AOX1: variants seen among roughly 807,000 people sequenced by gnomAD.
AOX1 encodes the protein aldehyde oxidase.
In AOX1, 153 loss-of-function variants were observed where a neutral mutation model predicts 169.5. The ratio of observed to expected loss-of-function variants is 0.90; its 90% CI spans 0.79 to 1.03. AOX1 has a LOEUF of 1.03. Among genes scored for constraint, AOX1 ranks in the 50% least tolerant of loss-of-function variants. AOX1 has a pLI of 0.00. For synonymous variants in AOX1, 562 were observed against 581.9 expected (o/e 0.97, Z 0.49); for missense variants, 1,656 against 1,663.9 (o/e 1.00, Z 0.08).
intron 26 of AOX1, among the ~76,000 whole-genome samples, chr2:200,654,642 G>A (rs553576241): frequency 2.0e-5 from 3 of 152,064 alleles, no homozygotes; most frequent in Non-Finnish European, 4.4e-5. Flanking sequence ...GCACAGAGTA[G>A]GAACTCAAAT....
chr2:200,681,926 GTT>G, downstream of AOX1, among the ~76,000 whole-genome samples: 1 of 146,046 alleles, frequency 6.8e-6, no homozygotes, highest in African/African-American at 2.5e-5. Flanking sequence ...ACCTTTTGGG[GTT>G]TTTTTTTTTA....
downstream of AOX1, among the ~76,000 whole-genome samples, chr2:200,676,400 G>T (rs1559266814): frequency 2.0e-5 from 3 of 152,072 alleles, no homozygotes; most frequent in South Asian, 6.2e-4. Flanking sequence ...AGGAGTTTGA[G>T]ACCATCCTGG....
intron 1 of AOX1, among the ~76,000 whole-genome samples, chr2:200,589,446 G>A (rs1306085449): frequency 1.3e-5 from 2 of 152,310 alleles, no homozygotes; most frequent in African/African-American, 4.8e-5. Flanking sequence ...AACTAGTCAG[G>A]GATGGGTTTG....
chr2:200,634,937 G>A (rs891845713), intron 21 of AOX1, 22 bp downstream of exon 21: 4 of 1,613,014 alleles, frequency 2.5e-6, no homozygotes, highest in Admixed American at 1.7e-5. Context: ...CCATTGTGGA[G>A]AGGACATGGC....
Position 200,668,650 on chromosome 2 carries a change from T to C in AOX1, c.3645T>C (p.Tyr1215=). The C allele has an allele frequency of 6.2e-7, 1 of 1,613,866 alleles. No individual in the cohort carries two copies. Among genetic ancestry groups the C allele is most frequent in the South Asian group, 1.1e-5 (1 of 90,966 alleles). The change falls in exon 33 of 35, where the codon TAT becomes TAC. Residue 1215 remains tyrosine, a synonymous_variant. Transcript: ENST00000374700. ...EGAFIQGMGL[Y]TIEELNYSPQ... is the part of the protein sequence containing the mutation. ...CATTTATTCAAGGCATGGGACTTTA[T>C]ACAATAGAGGAACTGAATTATTCTC...
chr2:200,662,540 T>C (rs963648114), intron 30 of AOX1, among the ~76,000 whole-genome samples: 1 of 152,064 alleles, frequency 6.6e-6, no homozygotes, highest in Non-Finnish European at 1.5e-5. Flanking sequence ...GAAGGTTGAG[T>C]TCCCCAAATC....
chr2:200,596,753 G>A (rs1046463968), intron 3 of AOX1, among the ~76,000 whole-genome samples: 3 of 152,052 alleles, frequency 2.0e-5, no homozygotes, highest in Non-Finnish European at 2.9e-5. Flanking sequence ...TTGTCACATC[G>A]GAGTTTAGTT....
chr2:200,599,138 G>A (rs757929055), intron 4 of AOX1, among the ~76,000 whole-genome samples: 2 of 152,156 alleles, frequency 1.3e-5, no homozygotes, highest in African/African-American at 4.8e-5. Context: ...GGAGGGAAAC[G>A]TATAAAAGAA....
Position 200,659,146 on chromosome 2 carries a change from ACTCT to A in AOX1, c.3172-14_3172-11del, listed in dbSNP as rs113893586. On this transcript the variant is annotated splice_polypyrimidine_tract_variant and intron_variant, in intron 27 of 34. Coordinates refer to ENST00000374700, the MANE Select transcript of AOX1 (RefSeq NM_001159.4). ...GACTAATCAAAGTGTTTAAAAGGAAACTCTCTCTTAAAATTCAGGTGGTCAGCCG... is the reference window on the plus strand; with the variant it reads ...GACTAATCAAAGTGTTTAAAAGGAAACTCTTAAAATTCAGGTGGTCAGCCG... The A allele has an allele frequency of 3.7e-6, 6 of 1,611,782 alleles. No individual in the cohort carries two copies. The highest frequency in any genetic ancestry group is 5.1e-6 in the Non-Finnish European group (6 of 1,178,892).
intron 20 of AOX1, among the ~76,000 whole-genome samples, chr2:200,629,105 C>T (rs1045858847): frequency 1.3e-5 from 2 of 152,152 alleles, no homozygotes; most frequent in African/African-American, 4.8e-5. Context: ...CCCATCATGT[C>T]TCAACTCTAT....
intron 1 of AOX1, among the ~76,000 whole-genome samples, chr2:200,588,531 G>C (rs1257329368): frequency 6.6e-6 from 1 of 151,972 alleles, no homozygotes; most frequent in Non-Finnish European, 1.5e-5. Context: ...GACTCACTTT[G>C]TCTATGGGCC....
chr2:200,633,116 A>G (rs1400079132), intron 20 of AOX1, among the ~76,000 whole-genome samples: 3 of 151,968 alleles, frequency 2.0e-5, no homozygotes, highest in Non-Finnish European at 4.4e-5. Flanking sequence ...CTTTTCTCCT[A>G]TAGATGAAGT....
At chr2:200,617,048 C>T (rs1030571001) in intron 16 of AOX1, among the ~76,000 whole-genome samples, 4 of 151,992 alleles carry the variant, frequency 2.6e-5, no homozygotes, top group African/African-American at 7.2e-5. Flanking sequence ...TTATAAATAC[C>T]CTAATATTTC....
chr2:200,628,673 A>G (rs2035052452), intron 20 of AOX1, among the ~76,000 whole-genome samples: 1 of 152,182 alleles, frequency 6.6e-6, no homozygotes, highest in Non-Finnish European at 1.5e-5. Context: ...TCATGCCTAT[A>G]ATCCCAGCAC....
In AOX1 at chr2:200,661,638, A is replaced by C; in HGVS notation, c.3428+7A>C. 1 of 1,603,480 alleles carries C rather than the reference A, an allele frequency of 6.2e-7. No individual in the cohort carries two copies. Among genetic ancestry groups the C allele is most frequent in the Non-Finnish European group, 8.5e-7 (1 of 1,170,684 alleles). On this transcript the variant is annotated splice_region_variant and intron_variant, in intron 30 of 34. Transcript: ENST00000374700. ...CAGCTGTTGGATACTTCAGGTAAAT[A>C]CTCCCTCTGATCACATGCTATGGAG... is the stretch of plus-strand genomic sequence containing the variant.
In AOX1 at chr2:200,609,522, A is replaced by T; in HGVS notation, c.1153+108A>T. On this transcript the variant is annotated intron_variant, in intron 12 of 34. Transcript: ENST00000374700. ...GAAAATGACTTTTCCCTATAATATC[A>T]ATACATTTCTCTGCTTTTCTGGATA... 3 of 872,706 alleles carry T rather than the reference A, an allele frequency of 3.4e-6. No individual in the cohort carries two copies. The Admixed American group carries it at 6.8e-5, about 20-fold the overall frequency. 54.1% of individuals were successfully genotyped at this position (872,706 alleles called of 1,614,324 possible).
intron 25 of AOX1, among the ~76,000 whole-genome samples, chr2:200,648,329 G>C (rs1055912672): frequency 6.6e-6 from 1 of 152,208 alleles, no homozygotes; most frequent in Non-Finnish European, 1.5e-5. Flanking sequence ...GTGGCTTCCT[G>C]TGAGCTGAAC....
downstream of AOX1, among the ~76,000 whole-genome samples, chr2:200,675,779 T>G (rs2036089087): frequency 6.6e-6 from 1 of 152,076 alleles, no homozygotes; most frequent in Admixed American, 6.5e-5. Context: ...TTTTAAGCAC[T>G]TTACTTCACA....
chr2:200,622,590 A>G (rs543230980), intron 18 of AOX1, among the ~76,000 whole-genome samples: 1 of 152,334 alleles, frequency 6.6e-6, no homozygotes, highest in Admixed American at 6.5e-5. Flanking sequence ...TAGCACTGGC[A>G]GAGACGGTGA....
Sources: allele counts gnomAD v4.1 joint callset (sites outside exome capture counted in the v4.1 genomes callset), GRCh38; gene constraint gnomAD v4.1.1; transcripts MANE v1.5; gene names NCBI Gene and HGNC (gene_info 2026-07-23, HGNC 2026-07-21).